The following DPYD variants were observed in gnomAD, a reference collection of about 807,000 sequenced individuals.
DPYD encodes the protein dihydropyrimidine dehydrogenase.
DPYD carries 109 observed loss-of-function variants against 116.2 expected under a neutral mutation model. That is an observed-to-expected ratio of 0.94 (90% CI 0.80 to 1.10). The LOEUF (loss-of-function observed/expected upper bound fraction) is 1.10. Among genes scored for constraint, DPYD ranks in the 50% least tolerant of loss-of-function variants. The probability of loss-of-function intolerance (pLI) is 0.00; values close to 1 mark genes in which losing one functional copy is unlikely to be tolerated. For missense variants in DPYD, 1,302 were observed against 1,254.5 expected, an observed-to-expected ratio of 1.04 and a Z score of -0.57; for synonymous variants, 440 against 432.0, an observed-to-expected ratio of 1.02 and a Z score of -0.23.
At chr1:97,325,891 A>T (rs1668682890) in intron 16 of DPYD, among the ~76,000 whole-genome samples, 1 of 151,940 alleles carries the variant, frequency 6.6e-6, no homozygotes, top group South Asian at 2.1e-4. Flanking sequence ...ACATGTCCAC[A>T]TGGTTCAGCT....
chr1:97,682,149 C>CTCTATAAATATAG (rs1190685656), intron 7 of DPYD, among the ~76,000 whole-genome samples: 3 of 152,086 alleles, frequency 2.0e-5, no homozygotes, highest in Middle Eastern at 3.4e-3. Flanking sequence ...TGTATTTATA[C>CTCTATAAATATAG]AGTCTGATTC....
chr1:97,553,841 A>T (rs1332449866), intron 11 of DPYD, among the ~76,000 whole-genome samples: 1 of 152,100 alleles, frequency 6.6e-6, no homozygotes, highest in Non-Finnish European at 1.5e-5. Flanking sequence ...AGTCTATATT[A>T]TTCTGCAATT....
At chr1:97,458,696 G>C (rs1269952512) in intron 13 of DPYD, among the ~76,000 whole-genome samples, 1 of 152,106 alleles carries the variant, frequency 6.6e-6, no homozygotes, top group Non-Finnish European at 1.5e-5. Flanking sequence ...GAGCAATGGC[G>C]GGTCATGCGT....
intron 8 of DPYD, among the ~76,000 whole-genome samples, chr1:97,630,842 G>A (rs1380613038): frequency 6.6e-6 from 1 of 152,010 alleles, no homozygotes. Flanking sequence ...TTTTTTGATA[G>A]GGAGCAAAGT....
chr1:97,883,869 A>G (rs1452601671), intron 1 of DPYD: 1 of 464,444 alleles, frequency 2.2e-6, no homozygotes, highest in Admixed American at 2.4e-5. Flanking sequence ...CAGAAGAATG[A>G]CCCCAAATTT....
chr1:97,352,096 G>A (rs1670174605), intron 16 of DPYD, among the ~76,000 whole-genome samples: 1 of 152,118 alleles, frequency 6.6e-6, no homozygotes, highest in African/African-American at 2.4e-5. Context: ...AAATGATGCA[G>A]TGAGATTTTC....
intron 18 of DPYD, among the ~76,000 whole-genome samples, chr1:97,244,706 T>C (rs1371044734): frequency 6.6e-6 from 1 of 152,030 alleles, no homozygotes; most frequent in African/African-American, 2.4e-5. Flanking sequence ...ATTGTATTAT[T>C]TGCTCTAAAA....
intron 3 of DPYD, among the ~76,000 whole-genome samples, chr1:97,760,050 A>C (rs1301928835): frequency 1.3e-5 from 2 of 152,202 alleles, no homozygotes; most frequent in African/African-American, 4.8e-5. Context: ...TCTTCAACAG[A>C]GAACGGAAGG....
intron 11 of DPYD, among the ~76,000 whole-genome samples, chr1:97,564,139 G>T (rs1208139470): frequency 6.6e-6 from 1 of 152,098 alleles, no homozygotes; most frequent in African/African-American, 2.4e-5. Context: ...CGGTACACAG[G>T]ATCTATCAAT....
intron 7 of DPYD, among the ~76,000 whole-genome samples, chr1:97,682,201 G>A (rs951478361): frequency 6.6e-6 from 1 of 152,014 alleles, no homozygotes; most frequent in Non-Finnish European, 1.5e-5. Context: ...ATAGAAAACA[G>A]TTGAGTTTTC....
chr1:97,566,364 C>T (rs1247048102), intron 11 of DPYD, among the ~76,000 whole-genome samples: 1 of 152,136 alleles, frequency 6.6e-6, no homozygotes, highest in Non-Finnish European at 1.5e-5. Context: ...TATATGATCT[C>T]TAAGGTCCTT....
intron 4 of DPYD, among the ~76,000 whole-genome samples, chr1:97,726,017 A>T (rs1663236974): frequency 6.6e-6 from 1 of 151,706 alleles, no homozygotes; most frequent in South Asian, 2.1e-4. Context: ...TAAAGCATGC[A>T]TTTAAAGGAG....
intron 20 of DPYD, among the ~76,000 whole-genome samples, chr1:97,171,535 A>G (rs1466594450): frequency 1.3e-5 from 2 of 152,208 alleles, no homozygotes; most frequent in Non-Finnish European, 2.9e-5. Flanking sequence ...CACACAGACC[A>G]GGACCAGAAT....
chr1:97,517,501 G>A (rs1173605060), intron 12 of DPYD, among the ~76,000 whole-genome samples: 2 of 152,022 alleles, frequency 1.3e-5, no homozygotes, highest in African/African-American at 4.8e-5. Flanking sequence ...AGTATGGAAA[G>A]TATTATCAAT....
At chr1:97,350,136 G>C (rs980736371) in intron 16 of DPYD, among the ~76,000 whole-genome samples, 3 of 152,050 alleles carry the variant, frequency 2.0e-5, no homozygotes, top group Admixed American at 1.3e-4. Context: ...GAGTGACAAA[G>C]AAGGAGACCA....
intron 13 of DPYD, among the ~76,000 whole-genome samples, chr1:97,479,679 C>T (rs540144313): frequency 2.6e-4 from 39 of 152,098 alleles, no homozygotes; most frequent in African/African-American, 8.9e-4. Context: ...TGCCACAAAC[C>T]TTCAATTTGT....
intron 20 of DPYD, among the ~76,000 whole-genome samples, chr1:97,099,700 G>T (rs949465878): frequency 6.6e-6 from 1 of 152,012 alleles, no homozygotes; most frequent in Non-Finnish European, 1.5e-5. Flanking sequence ...GCACTCGAAG[G>T]TCATCCTGAT....
intron 3 of DPYD, among the ~76,000 whole-genome samples, chr1:97,765,924 T>C (rs1316965907): frequency 6.6e-6 from 1 of 152,146 alleles, no homozygotes; most frequent in Non-Finnish European, 1.5e-5. Flanking sequence ...GGAAGAATGG[T>C]GACCTGTGTT....
intron 16 of DPYD, among the ~76,000 whole-genome samples, chr1:97,335,954 G>T (rs80099795): frequency 6.6e-6 from 1 of 151,918 alleles, no homozygotes; most frequent in Non-Finnish European, 1.5e-5. Flanking sequence ...CCAGTGTTTC[G>T]TATCCTTGTC....
Sources: gnomAD v4.1 joint callset for allele counts (sites outside exome capture counted in the v4.1 genomes callset) on GRCh38, gnomAD v4.1.1 for gene constraint, MANE v1.5 for transcripts, NCBI Gene and HGNC (gene_info 2026-07-23, HGNC 2026-07-21) for gene names.